ZNFX1: variants seen among roughly 807,000 people sequenced by gnomAD.
ZNFX1 encodes NFX1-type zinc finger-containing protein 1.
ZNFX1 carries 78 observed loss-of-function variants against 179.8 expected under a neutral mutation model. That is an observed-to-expected ratio of 0.43 (90% CI 0.36 to 0.52). The LOEUF is 0.52. Ranked by LOEUF, ZNFX1 falls within the 20% of genes least tolerant of loss-of-function variation. The probability of loss-of-function intolerance (pLI) is 0.00; values close to 1 mark genes in which losing one functional copy is unlikely to be tolerated. For synonymous variants in ZNFX1, 848 were observed against 868.5 expected (o/e 0.98, Z 0.42); for missense variants, 1,927 against 2,386.6 (o/e 0.81, Z 4.01).
Position 49,270,952 on chromosome 20 carries a change from A to G in ZNFX1, c.860T>C (p.Ile287Thr), listed in dbSNP as rs1981375136. The change falls in exon 3 of 14, where the codon ATA (isoleucine) becomes ACA (threonine). Residue 287 changes from isoleucine to threonine, a missense_variant. By Grantham distance (89) the Ile-to-Thr change is moderately conservative. Coordinates refer to ENST00000396105, the MANE Select transcript of ZNFX1 (RefSeq NM_021035.3). The surrounding 1 kb of genome is among the most constrained non-coding windows in gnomAD (Gnocchi z 4.6). ...LNALRASGVD[I>T]EEETEKNLEK... Reference sequence around the variant, plus strand: ...CAGGTTCTTCTCCGTTTCCTCTTCTATGTCAACACCAGAGGCTCTCAGAGC... The same window carrying G: ...CAGGTTCTTCTCCGTTTCCTCTTCTGTGTCAACACCAGAGGCTCTCAGAGC... 2 of 1,614,092 alleles carry G rather than the reference A, an allele frequency of 1.2e-6. No homozygotes were observed. Among genetic ancestry groups the G allele is most frequent in the Non-Finnish European group, 1.7e-6 (2 of 1,180,016 alleles).
At chr20:49,254,468 C>T (rs1426622648) in intron 10 of ZNFX1, 27 bp downstream of exon 10, 1 of 1,610,372 alleles carries the variant, frequency 6.2e-7, no homozygotes, top group African/African-American at 1.3e-5. Flanking sequence ...TTAGATGCAA[C>T]AGGCAAATTT....
chr20:49,251,203 C>A lies in ZNFX1; in HGVS notation c.3312+324G>T, dbSNP rs1483354652. Among the ~76,000 whole-genome samples the A allele has an allele frequency of 2.0e-5, 3 of 152,102 alleles. No homozygotes were observed. The East Asian group carries it at 5.8e-4, about 29-fold the overall frequency. ...CCCAGCCTGGAGTGCAGTAGCATGGCACGATCTCAGCTCACTGCAACCTCC... is the reference window on the plus strand; with the variant it reads ...CCCAGCCTGGAGTGCAGTAGCATGGAACGATCTCAGCTCACTGCAACCTCC... On this transcript the variant is annotated intron_variant, in intron 13 of 13. Coordinates refer to ENST00000396105, the MANE Select transcript of ZNFX1 (RefSeq NM_021035.3).
At chr20:49,262,455 C>A (rs1383970953) in intron 6 of ZNFX1, among the ~76,000 whole-genome samples, 1 of 151,510 alleles carries the variant, frequency 6.6e-6, no homozygotes, top group Non-Finnish European at 1.5e-5. Flanking sequence ...AAAAATTTTC[C>A]AGCCTATTTT....
rs1241203394 is a variant in ZNFX1, at chr20:49,271,715, T to C, written c.97A>G (p.Asn33Asp). Residue 33 changes from asparagine (N) to aspartate (D), a missense_variant, in exon 3 of 14, where the codon AAT becomes GAT. Asn to Asp is a conservative substitution (Grantham distance 23). Transcript: ENST00000396105. ...VDGELPPRAR[N>D]QANNPPANAL... Reference sequence around the variant, plus strand: ...TTGGCTGGTGGGTTATTGGCCTGATTTCTAGCTCTTGGTGGTAACTCTCCA... The same window carrying C: ...TTGGCTGGTGGGTTATTGGCCTGATCTCTAGCTCTTGGTGGTAACTCTCCA... 6.2e-7 allele frequency: 1 copy of C among 1,613,586 alleles called. No homozygotes were observed. The highest frequency in any genetic ancestry group is 2.2e-5 in the East Asian group (1 of 44,878).
Position 49,275,771 on chromosome 20 carries a change from T to G in ZNFX1, c.61+8A>C, listed in dbSNP as rs1229486022. ...TTTCCTTCTCATTAGGTAGGAAACC[T>G]TGCTTACCTCTGTGGTTGGTATGGG... On this transcript the variant is annotated splice_region_variant and intron_variant, in intron 2 of 13. Coordinates refer to ENST00000396105, the MANE Select transcript of ZNFX1 (RefSeq NM_021035.3). 1.9e-6 allele frequency: 3 copies of G among 1,613,962 alleles called. No individual in the cohort carries two copies. The highest frequency in any genetic ancestry group is 1.7e-5 in the Admixed American group (1 of 60,006).
At position 49,249,172 on chromosome 20, in the gene ZNFX1, G is replaced by A. The variant is rs146923757; in HGVS notation, c.3852C>T (p.Pro1284=). The change falls in exon 14 of 14, where the codon CCC becomes CCT. Residue 1284 remains proline, a synonymous_variant. Coordinates refer to ENST00000396105, the MANE Select transcript of ZNFX1 (RefSeq NM_021035.3). ...CGCAGGGCAGGCTGCAGCCTCCTTC[G>A]GGTACTTTTTGGAAGTCAGAAGCTT... The part of the protein sequence containing the change: ...VSKASDFQKV[P]EGGCSLPCEF... 3.2e-5 allele frequency: 51 copies of A among 1,614,072 alleles called. No individual in the cohort carries two copies. Among genetic ancestry groups the A allele is most frequent in the Non-Finnish European group, 3.9e-5 (46 of 1,180,040 alleles).
chr20:49,246,233 C>T lies in ZNFX1; in HGVS notation c.*1034G>A, dbSNP rs1980667892. The T allele has an allele frequency of 6.6e-6, 1 of 152,308 alleles. No homozygotes were observed. Among genetic ancestry groups the T allele is most frequent in the Admixed American group, 6.5e-5 (1 of 15,274 alleles). 9.4% of individuals were successfully genotyped at this position (152,308 alleles called of 1,614,324 possible). On this transcript the variant is annotated 3_prime_UTR_variant, in exon 14 of 14. Coordinates refer to ENST00000396105, the MANE Select transcript of ZNFX1 (RefSeq NM_021035.3). ...GCTCCATTCAGGGCCCAGGGGTAAC[C>T]AGCAGTGCCACCAAACCTGTCAGCA... is the stretch of plus-strand genomic sequence containing the variant.
intron 4 of ZNFX1, among the ~76,000 whole-genome samples, chr20:49,265,382 T>C (rs1320602712): frequency 6.6e-6 from 1 of 152,250 alleles, no homozygotes; most frequent in Non-Finnish European, 1.5e-5. Context: ...TCTGATTTGT[T>C]ATCATTTCTT....
Position 49,248,453 on chromosome 20 carries a change from G to T in ZNFX1, c.4571C>A (p.Thr1524Asn). The change falls in exon 14 of 14, where the codon ACC becomes AAC. Residue 1524 changes from threonine (T) to asparagine (N), a missense_variant. Transcript: ENST00000396105. This position sits in a 1 kb window ranked among gnomAD's most constrained non-coding sequence, Gnocchi z 4.6. Reference sequence around the variant, plus strand: ...GTTGCAGGGCTCAGAGCAGAGTTTGGTGCACTGGTAGTGCTGGCAGCGCCA... The same window carrying T: ...GTTGCAGGGCTCAGAGCAGAGTTTGTTGCACTGGTAGTGCTGGCAGCGCCA... Reference protein sequence around the residue: ...CVWRCQHYQCTKLCSEPCNRP... With the variant: ...CVWRCQHYQCNKLCSEPCNRP... The T allele has an allele frequency of 6.2e-7, 1 of 1,610,548 alleles. No homozygotes were observed. The highest frequency in any genetic ancestry group is 8.5e-7 in the Non-Finnish European group (1 of 1,177,706).
chr20:49,260,813 G>T (rs1981095537), intron 6 of ZNFX1, among the ~76,000 whole-genome samples: 1 of 152,182 alleles, frequency 6.6e-6, no homozygotes, highest in Non-Finnish European at 1.5e-5. Context: ...GGGCGTGGTG[G>T]CTTGCGCCTG....
chr20:49,259,608 T>C (rs1205242918), intron 7 of ZNFX1, among the ~76,000 whole-genome samples: 1 of 152,078 alleles, frequency 6.6e-6, no homozygotes, highest in African/African-American at 2.4e-5. Flanking sequence ...TTTTTTTTTT[T>C]AGTAAAGACA....
chr20:49,252,491 T>C (rs1980864934), intron 12 of ZNFX1, among the ~76,000 whole-genome samples: 1 of 151,594 alleles, frequency 6.6e-6, no homozygotes, highest in Non-Finnish European at 1.5e-5. Context: ...GAGATAGAGA[T>C]TATCATTTGA....
At chr20:49,268,375 A>G (rs1049551283) in intron 3 of ZNFX1, among the ~76,000 whole-genome samples, 2 of 152,200 alleles carry the variant, frequency 1.3e-5, no homozygotes, top group Admixed American at 1.3e-4. Flanking sequence ...ACCTCTAGCA[A>G]TCTTGTATCT....
chr20:49,261,790 C>T (rs536891547), intron 6 of ZNFX1, among the ~76,000 whole-genome samples: 3 of 151,810 alleles, frequency 2.0e-5, no homozygotes, highest in African/African-American at 4.8e-5. Flanking sequence ...GGACTACAGG[C>T]GCCCGCCACC....
chr20:49,270,921 C>T lies in ZNFX1; in HGVS notation c.891G>A (p.Lys297=). ...IEEETEKNLE[K]VQTIIEHLQE... is the part of the protein sequence containing the mutation. ...GCAGATGTTCAATGATAGTCTGTAC[C>T]TTTTCCAGGTTCTTCTCCGTTTCCT... Residue 297 remains lysine (K), a synonymous_variant, in exon 3 of 14, where the codon AAG becomes AAA. Coordinates refer to ENST00000396105, the MANE Select transcript of ZNFX1 (RefSeq NM_021035.3). The surrounding 1 kb of genome is among the most constrained non-coding windows in gnomAD (Gnocchi z 4.6). The T allele has an allele frequency of 1.2e-6, 2 of 1,614,110 alleles. No homozygotes were observed. The highest frequency in any genetic ancestry group is 1.7e-6 in the Non-Finnish European group (2 of 1,180,016).
chr20:49,262,538 TACC>T (rs1381780890), intron 6 of ZNFX1, among the ~76,000 whole-genome samples: 1 of 152,210 alleles, frequency 6.6e-6, no homozygotes, highest in African/African-American at 2.4e-5. Context: ...GCTGGGTTGC[TACC>T]ACATCTGTTC....
Position 49,247,517 on chromosome 20 carries a change from A to G in ZNFX1, c.5507T>C (p.Val1836Ala). The G allele has an allele frequency of 6.2e-7, 1 of 1,614,184 alleles. No individual in the cohort carries two copies. Among genetic ancestry groups the G allele is most frequent in the South Asian group, 1.1e-5 (1 of 91,084 alleles). ...GISEEERVQI[V>A]SAIGYPRGHW... is the part of the protein sequence containing the mutation. ...ACCACGAGGATAACCTATGGCACTG[A>G]CAATCTGCACTCGCTCTTCCTCTGA... The change falls in exon 14 of 14, where the codon GTC (valine) becomes GCC (alanine). Residue 1836 changes from valine to alanine, a missense_variant. Val to Ala is a moderately conservative substitution (Grantham distance 64). Coordinates refer to ENST00000396105, the MANE Select transcript of ZNFX1 (RefSeq NM_021035.3).
rs1011499657 is a variant in ZNFX1 at position 49,247,834 on chromosome 20, C to T, written c.5190G>A (p.Val1730=). The T allele has an allele frequency of 1.2e-6, 2 of 1,614,152 alleles. No individual in the cohort carries two copies. Among genetic ancestry groups the T allele is most frequent in the Admixed American group, 1.7e-5 (1 of 60,010 alleles). The change falls in exon 14 of 14, where the codon GTG becomes GTA. Residue 1730 remains valine, a synonymous_variant. Coordinates refer to ENST00000396105, the MANE Select transcript of ZNFX1 (RefSeq NM_021035.3). The part of the protein sequence containing the change: ...KKMHVLEEKR[V]RTRLEQVHEW... ...CATGGACCTGTTCTAGTCGAGTCCT[C>T]ACTCTTTTCTCTTCTAAGACATGCA... is the stretch of plus-strand genomic sequence containing the variant.
At position 49,277,433 on chromosome 20, in the gene ZNFX1, C is replaced by A. The variant is rs1302141134; in HGVS notation, c.-49+588G>T. Among the ~76,000 whole-genome samples, 4 of 130,498 alleles carry A rather than the reference C, an allele frequency of 3.1e-5. No homozygotes were observed. In the Admixed American group the frequency reaches 3.2e-4, roughly 11 times the overall value. The allele number at this position is 130,498 out of a possible 152,430, so 85.6% of individuals were successfully genotyped here. A position where few individuals can be genotyped will look rare whatever the true frequency, so the allele number is the denominator to read the frequency against. ...CGGCGGGGTGGGGGCAGGGAGCAGGCTGAAGGGGGTGCCGAGGTGCTCTGT... is the reference window on the plus strand; with the variant it reads ...CGGCGGGGTGGGGGCAGGGAGCAGGATGAAGGGGGTGCCGAGGTGCTCTGT... On this transcript the variant is annotated intron_variant, in intron 1 of 13. Coordinates refer to ENST00000396105, the MANE Select transcript of ZNFX1 (RefSeq NM_021035.3).
Sources: gnomAD v4.1 joint callset for allele counts (sites outside exome capture counted in the v4.1 genomes callset) on GRCh38, gnomAD v4.1.1 for gene constraint, Gnocchi (gnomAD v3.1) non-coding constraint, MANE v1.5 for transcripts, NCBI Gene and HGNC (gene_info 2026-07-23, HGNC 2026-07-21) for gene names.